The following TRPM6 variants were observed in gnomAD, a reference collection of about 807,000 sequenced individuals.
TRPM6 encodes the protein channel kinase 2.
Under a neutral mutation model 247.6 loss-of-function variants are expected in TRPM6, and 111 were observed. The ratio of observed to expected loss-of-function variants is 0.45; its 90% CI spans 0.38 to 0.52. The LOEUF (loss-of-function observed/expected upper bound fraction) is 0.52, where lower values mean the gene tolerates loss of function less well. Among genes scored for constraint, TRPM6 ranks in the 20% least tolerant of loss-of-function variants. The pLI is 0.00. For synonymous variants in TRPM6, 892 were observed against 853.8 expected (o/e 1.04, Z -0.78); for missense variants, 2,126 against 2,421.5 (o/e 0.88, Z 2.56).
chr9:74,819,850 G>A (rs1829079064), intron 9 of TRPM6, among the ~76,000 whole-genome samples: 1 of 152,130 alleles, frequency 6.6e-6, no homozygotes, highest in Admixed American at 6.5e-5. Flanking sequence ...TTTTTCTGTA[G>A]TAGAGTCTAG....
chr9:74,804,554 C>G (rs1828467327), intron 14 of TRPM6: 1 of 739,822 alleles, frequency 1.4e-6, no homozygotes, highest in African/African-American at 1.7e-5. Flanking sequence ...ACGCGGTGAC[C>G]AAGGAGGAAT....
chr9:74,724,492 A>C lies in TRPM6; in HGVS notation c.*121T>G. ...AGGCCTTTGAACAGAAGGAGATGTG[A>C]GGCTCAGAAGGCGTGTCCCAAGGAG... On this transcript the variant is annotated 3_prime_UTR_variant, in exon 39 of 39. Coordinates refer to ENST00000360774, the MANE Select transcript of TRPM6 (RefSeq NM_017662.5). 1 of 1,402,770 alleles carries C rather than the reference A, an allele frequency of 7.1e-7. No homozygotes were observed. Among genetic ancestry groups the C allele is most frequent in the East Asian group, 2.3e-5 (1 of 43,756 alleles). 86.9% of individuals were successfully genotyped at this position (1,402,770 alleles called of 1,614,324 possible). A position where few individuals can be genotyped will look rare whatever the true frequency, so the allele number is the denominator to read the frequency against.
intron 5 of TRPM6, among the ~76,000 whole-genome samples, chr9:74,836,417 T>A (rs573600168): frequency 1.3e-5 from 2 of 152,302 alleles, no homozygotes; most frequent in South Asian, 4.1e-4. Context: ...GCATCTTCCC[T>A]TCCAACTCAT....
intron 3 of TRPM6, among the ~76,000 whole-genome samples, chr9:74,852,524 G>C (rs575061765): frequency 9.7e-4 from 144 of 149,068 alleles, no homozygotes; most frequent in African/African-American, 3.3e-3. Flanking sequence ...CTCTCTCCAC[G>C]GTCTCCCTCT....
intron 1 of TRPM6, among the ~76,000 whole-genome samples, chr9:74,866,084 G>A (rs1830835757): frequency 6.6e-6 from 1 of 152,134 alleles, no homozygotes; most frequent in Non-Finnish European, 1.5e-5. Flanking sequence ...GAGAATCATT[G>A]AGCCCAGGAG....
chr9:74,759,916 A>G (rs1826563417), intron 27 of TRPM6, among the ~76,000 whole-genome samples: 2 of 152,182 alleles, frequency 1.3e-5, no homozygotes, highest in Non-Finnish European at 2.9e-5. Context: ...ACTTTATAAT[A>G]AGACAACAAC....
rs150420186 is a variant in TRPM6, at chr9:74,855,629, G to A, written c.114-64C>T. On this transcript the variant is annotated intron_variant, in intron 2 of 38. Coordinates refer to ENST00000360774, the MANE Select transcript of TRPM6 (RefSeq NM_017662.5). The stretch of plus-strand genomic sequence containing the variant: ...GTATCTGAAAATACATTTAATGCTT[G>A]TACAGTAAATATCTATTATTTTCCA... 1,579 of 1,008,320 alleles carry A rather than the reference G, an allele frequency of 1.6e-3. 16 individuals are homozygous for A. In the African/African-American group the frequency reaches 0.023, roughly 15 times the overall value. 62.5% of individuals were successfully genotyped at this position (1,008,320 alleles called of 1,614,324 possible). A position where few individuals can be genotyped will look rare whatever the true frequency, so the allele number is the denominator to read the frequency against.
chr9:74,869,632 A>C (rs1830962920), intron 1 of TRPM6, among the ~76,000 whole-genome samples: 1 of 152,008 alleles, frequency 6.6e-6, no homozygotes, highest in African/African-American at 2.4e-5. Context: ...TTCACCGAGA[A>C]GGAGCAGGTT....
intron 4 of TRPM6, among the ~76,000 whole-genome samples, chr9:74,841,937 C>A (rs1203128668): frequency 6.6e-6 from 1 of 152,006 alleles, no homozygotes; most frequent in Non-Finnish European, 1.5e-5. Flanking sequence ...TTAGTAGAAA[C>A]CCCGTCTCTA....
At chr9:74,727,565 C>G (rs913807468) in intron 38 of TRPM6, among the ~76,000 whole-genome samples, 7 of 151,940 alleles carry the variant, frequency 4.6e-5, no homozygotes, top group African/African-American at 1.7e-4. Context: ...AGGACAAGTC[C>G]GGTGTGACCA....
rs1380054279 is a variant in TRPM6, at chr9:74,762,461, T to C, written c.4210A>G (p.Lys1404Glu). 6.2e-7 allele frequency: 1 copy of C among 1,614,072 alleles called. No homozygotes were observed. Among genetic ancestry groups the C allele is most frequent in the African/African-American group, 1.3e-5 (1 of 74,930 alleles). The change falls in exon 26 of 39, where the codon AAG (lysine) becomes GAG (glutamate). Residue 1404 changes from lysine to glutamate, a missense_variant. Coordinates refer to ENST00000360774, the MANE Select transcript of TRPM6 (RefSeq NM_017662.5). ...VSDWASVDEP[K>E]EKHEPIAHLL... ...TGAGCAATAGGCTCGTGCTTTTCCT[T>C]GGGTTCATCCACTGATGCCCAGTCA...
At chr9:74,732,100 T>A (rs1825539744) in intron 37 of TRPM6, among the ~76,000 whole-genome samples, 1 of 152,328 alleles carries the variant, frequency 6.6e-6, no homozygotes, top group Middle Eastern at 3.4e-3. Context: ...GCTTCTGGGA[T>A]AAAATATCCA....
intron 1 of TRPM6, among the ~76,000 whole-genome samples, chr9:74,870,367 G>T (rs2118454498): frequency 6.6e-6 from 1 of 152,248 alleles, no homozygotes; most frequent in Admixed American, 6.5e-5. Flanking sequence ...TACACTAAGG[G>T]AATAGGAGTT....
intron 27 of TRPM6, among the ~76,000 whole-genome samples, chr9:74,756,613 G>C (rs946573641): frequency 6.8e-6 from 1 of 147,532 alleles, no homozygotes; most frequent in Non-Finnish European, 1.5e-5. Context: ...GGAGGCTGAG[G>C]CAGGTGAATA....
rs148392395 is a variant in TRPM6, at chr9:74,786,377, A to C, written c.2668-252T>G. ...GAAACTCCAACTAGAAGTCAAAAAA[A>C]TAGAAAGCACTTTTTCTAGCTTTCA... On this transcript the variant is annotated intron_variant, in intron 20 of 38. Coordinates refer to ENST00000360774, the MANE Select transcript of TRPM6 (RefSeq NM_017662.5). Among the ~76,000 whole-genome samples, 733 of 152,366 alleles carry C rather than the reference A, an allele frequency of 4.8e-3. 8 individuals are homozygous for C. Among genetic ancestry groups the C allele is most frequent in the African/African-American group, 0.016 (680 of 41,586 alleles).
At chr9:74,863,207 G>A (rs184775879) in intron 1 of TRPM6, among the ~76,000 whole-genome samples, 34 of 151,248 alleles carry the variant, frequency 2.2e-4, no homozygotes, top group Admixed American at 1.8e-3. Flanking sequence ...CCACCACATC[G>A]AGCTAATTTT....
At chr9:74,737,296 T>C in intron 36 of TRPM6, 4 of 1,131,230 alleles carry the variant, frequency 3.5e-6, no homozygotes, top group Non-Finnish European at 4.6e-6. Flanking sequence ...GTTTAAAAAT[T>C]TGTGTCACAT....
At position 74,883,527 on chromosome 9, in the gene TRPM6, GGTCA is replaced by G. The variant is rs1276506340; in HGVS notation, c.33+4293_33+4296del. Among the ~76,000 whole-genome samples, 29 of 152,164 alleles carry G rather than the reference GGTCA, an allele frequency of 1.9e-4. 1 individual carries two copies. The East Asian group carries it at 5.2e-3, about 27-fold the overall frequency. ...GAAGACAGTTTGGCACATAACACTC[GGTCA>G]GTATTTGTGACTGATTGTGAAGAGA... On this transcript the variant is annotated intron_variant, in intron 1 of 38. Coordinates refer to ENST00000360774, the MANE Select transcript of TRPM6 (RefSeq NM_017662.5).
chr9:74,791,444 A>G (rs929154521), intron 19 of TRPM6, among the ~76,000 whole-genome samples: 3 of 152,186 alleles, frequency 2.0e-5, no homozygotes, highest in Admixed American at 6.5e-5. Context: ...AGAAAAATAA[A>G]TGCTATGGGA....
Sources: allele counts gnomAD v4.1 joint callset (sites outside exome capture counted in the v4.1 genomes callset), GRCh38; gene constraint gnomAD v4.1.1; transcripts MANE v1.5; gene names NCBI Gene and HGNC (gene_info 2026-07-23, HGNC 2026-07-21).